The following FARP1 variants were observed in gnomAD, a reference collection of about 807,000 sequenced individuals.
FARP1 encodes the protein FERM, ARH/RhoGEF and pleckstrin domain protein 1, also known as FERM, ARHGEF and pleckstrin domain-containing protein 1.
A neutral mutation model predicts 128.8 loss-of-function variants in FARP1; 52 were observed. That is an observed-to-expected ratio of 0.40 (90% CI 0.32 to 0.51). The LOEUF (loss-of-function observed/expected upper bound fraction) is 0.51, where lower values mean the gene tolerates loss of function less well. Ranked by LOEUF, FARP1 falls within the 20% of genes least tolerant of loss-of-function variation. The pLI is 0.45. For synonymous variants in FARP1, 580 were observed against 551.8 expected (o/e 1.05, Z -0.72); for missense variants, 1,333 against 1,367.9 (o/e 0.97, Z 0.40).
At chr13:98,245,059 A>C (rs1001267444) in intron 2 of FARP1, 2 of 1,036,564 alleles carry the variant, frequency 1.9e-6, no homozygotes, top group Non-Finnish European at 2.3e-6. Flanking sequence ...TTGCTAGTGC[A>C]GAAGTTAAAA....
chr13:98,331,154 A>G (rs1272964630), intron 2 of FARP1, among the ~76,000 whole-genome samples: 2 of 152,234 alleles, frequency 1.3e-5, no homozygotes, highest in Non-Finnish European at 2.9e-5. Context: ...TCTGATACTC[A>G]TATTTTTAAA....
At chr13:98,404,214 TGAA>T in intron 13 of FARP1, 1 of 152,380 alleles carries the variant, frequency 6.6e-6, no homozygotes, top group Non-Finnish European at 1.5e-5. Flanking sequence ...TGATGAACTG[TGAA>T]GCTGATGCTT....
At chr13:98,180,983 C>T (rs1878464435) in intron 1 of FARP1, among the ~76,000 whole-genome samples, 1 of 151,944 alleles carries the variant, frequency 6.6e-6, no homozygotes, top group South Asian at 2.1e-4. Flanking sequence ...ATACCTTTCC[C>T]TGTGTTTACA....
intron 1 of FARP1, among the ~76,000 whole-genome samples, chr13:98,166,960 C>G (rs1877308968): frequency 1.3e-5 from 2 of 152,118 alleles, no homozygotes; most frequent in East Asian, 3.9e-4. Context: ...CTTTTGGGCT[C>G]AGGCAATCTG....
intron 16 of FARP1, among the ~76,000 whole-genome samples, chr13:98,423,090 C>T (rs1891650643): frequency 6.6e-6 from 1 of 152,176 alleles, no homozygotes; most frequent in Non-Finnish European, 1.5e-5. Flanking sequence ...GTAGGCTGGG[C>T]AGCTAGGCCA....
At chr13:98,348,572 T>G (rs1206320903) in intron 3 of FARP1, among the ~76,000 whole-genome samples, 1 of 152,204 alleles carries the variant, frequency 6.6e-6, no homozygotes, top group African/African-American at 2.4e-5. Flanking sequence ...CTGGCTGAAG[T>G]TCAGGCCTGG....
At chr13:98,192,286 A>G (rs1849743277) in intron 1 of FARP1, among the ~76,000 whole-genome samples, 2 of 152,068 alleles carry the variant, frequency 1.3e-5, no homozygotes, top group African/African-American at 4.8e-5. Flanking sequence ...CCCAAAGCCA[A>G]ATTCCTATAA....
chr13:98,442,281 G>A (rs1892556000), intron 24 of FARP1, among the ~76,000 whole-genome samples: 2 of 152,222 alleles, frequency 1.3e-5, no homozygotes, highest in African/African-American at 4.8e-5. Flanking sequence ...ACAGCAGCAG[G>A]AATGAGCCAG....
intron 2 of FARP1, among the ~76,000 whole-genome samples, chr13:98,225,817 G>A (rs1429378594): frequency 1.3e-5 from 2 of 152,178 alleles, no homozygotes; most frequent in Non-Finnish European, 2.9e-5. Flanking sequence ...TAAAATGCTG[G>A]ATCCAGGGGC....
chr13:98,432,316 C>T (rs1892063321), intron 18 of FARP1: 1 of 152,304 alleles, frequency 6.6e-6, no homozygotes, highest in Non-Finnish European at 1.5e-5. Context: ...CCCTTTAGAT[C>T]AATTGCATTA....
At chr13:98,325,891 C>T (rs944640664) in intron 2 of FARP1, among the ~76,000 whole-genome samples, 17 of 152,202 alleles carry the variant, frequency 1.1e-4, no homozygotes, top group African/African-American at 1.7e-4. Flanking sequence ...CCCAAGACTC[C>T]GCAACAGCCA....
chr13:98,444,628 G>A (rs1419629801), intron 24 of FARP1, among the ~76,000 whole-genome samples: 1 of 152,200 alleles, frequency 6.6e-6, no homozygotes. Context: ...AGCGAGGAAG[G>A]GCCGCTGGAT....
intron 2 of FARP1, among the ~76,000 whole-genome samples, chr13:98,340,469 T>TG (rs1167502563): frequency 3.3e-5 from 5 of 151,970 alleles, no homozygotes; most frequent in African/African-American, 1.2e-4. Flanking sequence ...CTCAGCCTCC[T>TG]GAGTAGCTGG....
In FARP1 at chr13:98,301,903, G is replaced by A. The variant is rs376047612; in HGVS notation, c.172-41859G>A. Among the ~76,000 whole-genome samples, 266 of 152,222 alleles carry A rather than the reference G, an allele frequency of 1.7e-3. 3 individuals carry two copies. Among genetic ancestry groups the A allele is most frequent in the African/African-American group, 6.0e-3 (249 of 41,528 alleles). ...ATGCGTGCAACAGCCTTGTTAATTC[G>A]GGTGACCGGATTTCTCAAACAAAAC... On this transcript the variant is annotated intron_variant, in intron 2 of 26. Transcript: ENST00000319562.
intron 1 of FARP1, among the ~76,000 whole-genome samples, chr13:98,154,085 T>G (rs1876325303): frequency 6.6e-6 from 1 of 152,226 alleles, no homozygotes; most frequent in Non-Finnish European, 1.5e-5. Context: ...TTCAGCCTAA[T>G]GTCTTTGTGA....
rs141414976 is a variant in FARP1 at position 98,161,318 on chromosome 13, C to T, written c.-24+17826C>T. Among the ~76,000 whole-genome samples the T allele has an allele frequency of 6.9e-3, 1,037 of 149,846 alleles. 11 individuals carry two copies. Among genetic ancestry groups the T allele is most frequent in the African/African-American group, 0.024 (985 of 40,682 alleles). ...GCAACCTCCATCTCCTGGGTTCAAGCGATTCTCCTGCCTCAGCCTCCCGAG... is the reference window on the plus strand; with the variant it reads ...GCAACCTCCATCTCCTGGGTTCAAGTGATTCTCCTGCCTCAGCCTCCCGAG... On this transcript the variant is annotated intron_variant, in intron 1 of 26. Transcript: ENST00000319562.
chr13:98,347,822 G>T (rs1254879241), intron 3 of FARP1, among the ~76,000 whole-genome samples: 1 of 152,166 alleles, frequency 6.6e-6, no homozygotes, highest in African/African-American at 2.4e-5. Flanking sequence ...GTTTCAAAAT[G>T]CCCAATCATA....
At chr13:98,373,537 C>CAGACAG (rs1566929194) in intron 5 of FARP1, among the ~76,000 whole-genome samples, 14 of 81,446 alleles carry the variant, frequency 1.7e-4, no homozygotes, top group African/African-American at 7.2e-4. Context: ...CAGACAGACA[C>CAGACAG]ACACACACAC....
intron 3 of FARP1, among the ~76,000 whole-genome samples, chr13:98,352,944 C>A (rs185733094): frequency 6.6e-6 from 1 of 152,244 alleles, no homozygotes; most frequent in African/African-American, 2.4e-5. Context: ...TTCAGAGTAA[C>A]TGCATATGTT....
Sources: allele counts gnomAD v4.1 joint callset (sites outside exome capture counted in the v4.1 genomes callset), GRCh38; gene constraint gnomAD v4.1.1; transcripts MANE v1.5; gene names NCBI Gene and HGNC (gene_info 2026-07-23, HGNC 2026-07-21).